DIAPH2: variants seen among roughly 807,000 people sequenced by gnomAD.
DIAPH2 encodes diaphanous related formin 2.
DIAPH2 carries 35 observed loss-of-function variants against 92.7 expected under a neutral mutation model. The ratio of observed to expected loss-of-function variants is 0.38; its 90% CI spans 0.29 to 0.50. The LOEUF is 0.50. Among genes scored for constraint, DIAPH2 ranks in the 20% least tolerant of loss-of-function variants. The pLI is 0.94. For synonymous variants in DIAPH2, 301 were observed against 280.4 expected, an observed-to-expected ratio of 1.07 and a Z score of -0.73; for missense variants, 701 against 819.5, an observed-to-expected ratio of 0.86 and a Z score of 1.77.
chrX:97,532,206 C>T (rs1390110915), intron 26 of DIAPH2, among the ~76,000 whole-genome samples: 2 of 112,767 alleles, frequency 1.8e-5, no homozygotes, highest in African/African-American at 3.2e-5. Flanking sequence ...TCTTTTTGCA[C>T]AGAAGTACAC....
At chrX:96,762,618 A>G (rs1321595093) in intron 4 of DIAPH2, among the ~76,000 whole-genome samples, 1 of 110,787 alleles carries the variant, frequency 9.0e-6, no homozygotes, top group Non-Finnish European at 1.9e-5. Flanking sequence ...AAATACCTTA[A>G]TAGTATACCT....
chrX:96,780,818 T>A (rs2064411981), intron 4 of DIAPH2, among the ~76,000 whole-genome samples: 1 of 106,082 alleles, frequency 9.4e-6, no homozygotes, highest in Non-Finnish European at 1.9e-5. Flanking sequence ...CCTGATCTTT[T>A]TTTTTTTCGA....
At chrX:97,368,131 C>CCA (rs2069400964) in intron 24 of DIAPH2, among the ~76,000 whole-genome samples, 1 of 112,289 alleles carries the variant, frequency 8.9e-6, no homozygotes, top group Non-Finnish European at 1.9e-5. Context: ...TGACTTGATT[C>CCA]CATTGCTTTG....
At chrX:97,430,864 G>A (rs2147777944) in intron 26 of DIAPH2, among the ~76,000 whole-genome samples, 1 of 112,156 alleles carries the variant, frequency 8.9e-6, no homozygotes, top group Non-Finnish European at 1.9e-5. Flanking sequence ...AATCCTGATG[G>A]ATATTGGATA....
chrX:97,203,356 C>G (rs2067768997), intron 22 of DIAPH2, among the ~76,000 whole-genome samples: 1 of 71,890 alleles, frequency 1.4e-5, no homozygotes, highest in African/African-American at 4.0e-5. Flanking sequence ...CACGAAAAAC[C>G]CTTCAAAAAA....
At chrX:97,389,050 C>T (rs2069628674) in intron 25 of DIAPH2, among the ~76,000 whole-genome samples, 1 of 111,342 alleles carries the variant, frequency 9.0e-6, no homozygotes, top group Admixed American at 9.5e-5. Flanking sequence ...AAAAAAGTGT[C>T]AGTATTATTA....
intron 4 of DIAPH2, among the ~76,000 whole-genome samples, chrX:96,815,316 C>T (rs779061827): frequency 2.7e-5 from 3 of 111,868 alleles, no homozygotes; most frequent in East Asian, 5.7e-4. Context: ...GCTCCATGGA[C>T]GTGGGACCCA....
chrX:97,510,606 A>T (rs1433735279), intron 26 of DIAPH2, among the ~76,000 whole-genome samples: 5 of 102,145 alleles, frequency 4.9e-5, no homozygotes, highest in African/African-American at 1.1e-4. Flanking sequence ...CTGAATGGTA[A>T]TGCCTAGGTT....
intron 24 of DIAPH2, among the ~76,000 whole-genome samples, chrX:97,371,484 C>T (rs1326475982): frequency 1.8e-5 from 2 of 111,448 alleles, no homozygotes; most frequent in Non-Finnish European, 3.8e-5. Context: ...AAAAAACTGA[C>T]AGCTTTTAGC....
chrX:97,264,145 G>A (rs778108823), intron 23 of DIAPH2, among the ~76,000 whole-genome samples: 18 of 110,619 alleles, frequency 1.6e-4, no homozygotes, highest in African/African-American at 5.6e-4. Flanking sequence ...CTGGCCAACT[G>A]TAATTCAACT....
At chrX:96,693,623 T>C (rs1448819822) in intron 1 of DIAPH2, among the ~76,000 whole-genome samples, 1 of 112,400 alleles carries the variant, frequency 8.9e-6, no homozygotes, top group East Asian at 2.8e-4. Flanking sequence ...CCAAATCATG[T>C]GCCAGTTACA....
chrX:97,087,374 T>C (rs943635388), intron 19 of DIAPH2, among the ~76,000 whole-genome samples: 5 of 111,791 alleles, frequency 4.5e-5, no homozygotes, highest in African/African-American at 1.6e-4. Flanking sequence ...TGTTGAAAAA[T>C]TAGTTGCTTC....
intron 23 of DIAPH2, among the ~76,000 whole-genome samples, chrX:97,309,108 AT>A (rs768975621): frequency 0.024 from 2,515 of 105,616 alleles, 29 homozygotes; most frequent in Middle Eastern, 0.044. Context: ...TTATTTATTT[AT>A]TTTTTTTTTG....
chrX:97,247,052 T>C (rs1168263985), intron 22 of DIAPH2, among the ~76,000 whole-genome samples: 3 of 112,046 alleles, frequency 2.7e-5, no homozygotes, highest in Non-Finnish European at 5.6e-5. Flanking sequence ...AAATTATTAG[T>C]TGTCAATGAG....
intron 17 of DIAPH2, among the ~76,000 whole-genome samples, chrX:97,026,281 A>C (rs1180251783): frequency 8.9e-6 from 1 of 112,196 alleles, no homozygotes; most frequent in Admixed American, 9.5e-5. Context: ...CATTTATAAT[A>C]CAAGTTCTGT....
intron 25 of DIAPH2, among the ~76,000 whole-genome samples, chrX:97,421,715 T>A (rs769857878): frequency 8.9e-6 from 1 of 112,066 alleles, no homozygotes; most frequent in African/African-American, 3.2e-5. Context: ...TGGTCCACTT[T>A]GCATGCTACG....
chrX:96,916,571 A>G lies in DIAPH2; in HGVS notation c.866A>G (p.Asn289Ser), dbSNP rs1236995444. The G allele has an allele frequency of 1.7e-6, 2 of 1,195,271 alleles. No homozygotes were observed. Among genetic ancestry groups the G allele is most frequent in the Non-Finnish European group, 2.3e-6 (2 of 887,619 alleles). The change falls in exon 8 of 27, where the codon AAC becomes AGC. Residue 289 changes from asparagine to serine, a missense_variant. Asn to Ser is a conservative substitution (Grantham distance 46). Around this residue, in one of 3 missense-constraint regions of DIAPH2, gnomAD observed 536 missense variants for 599.3 expected, o/e 0.89. Coordinates refer to ENST00000324765, the MANE Select transcript of DIAPH2 (RefSeq NM_006729.5). ...GCTATTTGCATTGTTGGAGAAGAGA[A>G]CATGTAAGTATTGCTATATTATTAT... ...LSAICIVGEENILDKLLGAIT... is the reference protein window; with the variant it reads ...LSAICIVGEESILDKLLGAIT...
intron 4 of DIAPH2, among the ~76,000 whole-genome samples, chrX:96,803,703 T>C (rs903283718): frequency 1.8e-5 from 2 of 112,401 alleles, no homozygotes; most frequent in African/African-American, 6.5e-5. Context: ...ATCTTCAAAC[T>C]TGTTTTGGCA....
intron 22 of DIAPH2, among the ~76,000 whole-genome samples, chrX:97,200,096 AAGG>A (rs1465085197): frequency 9.0e-6 from 1 of 111,361 alleles, no homozygotes; most frequent in Non-Finnish European, 1.9e-5. Flanking sequence ...CAGGAAGGCC[AAGG>A]AGCCAGGGAC....
Sources: gnomAD v4.1 joint callset for allele counts (sites outside exome capture counted in the v4.1 genomes callset) on GRCh38, gnomAD v4.1.1 for gene constraint, gnomAD v4.1.1 regional missense constraint, MANE v1.5 for transcripts, NCBI Gene and HGNC (gene_info 2026-07-23, HGNC 2026-07-21) for gene names.